Variants in CWC22 observed in about 807,000 individuals in gnomAD.
CWC22 encodes CWC22 spliceosome associated protein, also known as pre-mRNA-splicing factor CWC22 homolog.
In CWC22, 53 loss-of-function variants were observed where a neutral mutation model predicts 117.2. That is an observed-to-expected ratio of 0.45 (90% CI 0.36 to 0.57). The LOEUF is 0.57. Ranked by LOEUF, CWC22 falls within the 20% of genes least tolerant of loss-of-function variation. CWC22 has a pLI of 0.00. For missense variants in CWC22, 980 were observed against 1,068.8 expected, an observed-to-expected ratio of 0.92 and a Z score of 1.16; for synonymous variants, 360 against 355.6, an observed-to-expected ratio of 1.01 and a Z score of -0.14.
intron 4 of CWC22, among the ~76,000 whole-genome samples, chr2:179,983,823 G>C (rs1687347635): frequency 6.6e-6 from 1 of 152,092 alleles, no homozygotes; most frequent in Admixed American, 6.6e-5. Flanking sequence ...CAACTGAATT[G>C]CTTCTTCTTG....
intron 6 of CWC22, among the ~76,000 whole-genome samples, chr2:179,976,965 G>A (rs531447048): frequency 1.3e-5 from 2 of 152,180 alleles, no homozygotes; most frequent in African/African-American, 4.8e-5. Flanking sequence ...GACCAGCCTG[G>A]GCAAGATGGC....
At chr2:179,957,297 T>A (rs75488737) in intron 14 of CWC22, among the ~76,000 whole-genome samples, 3,185 of 152,250 alleles carry the variant, frequency 0.021, 116 homozygotes, top group African/African-American at 0.072. Flanking sequence ...AAAAAAGGAA[T>A]CTTTTACATT....
chr2:180,004,457 G>T (rs71425654), intron 1 of CWC22, among the ~76,000 whole-genome samples: 22,234 of 151,828 alleles, frequency 0.15, 1,993 homozygotes, highest in Admixed American at 0.29. Context: ...AGTGGAGAGA[G>T]CTCAGCTCAC....
In CWC22 at chr2:179,993,306, A is replaced by G. The variant is rs773679207; in HGVS notation, c.27+9T>C. Reference sequence around the variant, plus strand: ...TTTACATCCTCCATTTTAAGTTTCAAACACTTACTTTTATCTGTGCCACAC... The same window carrying G: ...TTTACATCCTCCATTTTAAGTTTCAGACACTTACTTTTATCTGTGCCACAC... On this transcript the variant is annotated intron_variant, in intron 2 of 19. Coordinates refer to ENST00000410053, the MANE Select transcript of CWC22 (RefSeq NM_020943.3). 2.2e-5 allele frequency: 34 copies of G among 1,557,274 alleles called. No homozygotes were observed. The African/African-American group carries it at 4.1e-4, about 19-fold the overall frequency.
intron 4 of CWC22, among the ~76,000 whole-genome samples, chr2:179,986,124 C>T (rs1312210567): frequency 6.6e-6 from 1 of 152,040 alleles, no homozygotes; most frequent in Non-Finnish European, 1.5e-5. Context: ...CATTCAGTTC[C>T]CTTGCCCATT....
intron 2 of CWC22, among the ~76,000 whole-genome samples, chr2:179,992,107 T>C (rs1270685464): frequency 6.6e-6 from 1 of 152,218 alleles, no homozygotes; most frequent in Non-Finnish European, 1.5e-5. Flanking sequence ...TTTAGGTGTG[T>C]ACAGCTGTAA....
intron 5 of CWC22, among the ~76,000 whole-genome samples, chr2:179,980,068 T>C (rs993509375): frequency 1.6e-4 from 24 of 152,218 alleles, no homozygotes; most frequent in African/African-American, 5.8e-4. Flanking sequence ...GTGTGCTTTA[T>C]TTAAAAGGAA....
intron 14 of CWC22, among the ~76,000 whole-genome samples, chr2:179,957,490 T>C (rs573653535): frequency 5.9e-5 from 9 of 152,216 alleles, no homozygotes; most frequent in Non-Finnish European, 1.2e-4. Flanking sequence ...AAACAGCCCA[T>C]TGACAATATA....
At chr2:179,998,633 TCCTAG>T (rs1687768855) in intron 1 of CWC22, among the ~76,000 whole-genome samples, 1 of 152,134 alleles carries the variant, frequency 6.6e-6, no homozygotes, top group Non-Finnish European at 1.5e-5. Context: ...CAGAAAATTA[TCCTAG>T]CCTAAACTGA....
At chr2:179,983,648 TG>T (rs1234904983) in intron 4 of CWC22, among the ~76,000 whole-genome samples, 2 of 152,070 alleles carry the variant, frequency 1.3e-5, no homozygotes, top group Non-Finnish European at 2.9e-5. Context: ...ATTGTTGGGT[TG>T]GATGAACAGT....
chr2:179,975,146 T>A (rs2105533097), intron 6 of CWC22, among the ~76,000 whole-genome samples: 1 of 152,306 alleles, frequency 6.6e-6, no homozygotes, highest in Non-Finnish European at 1.5e-5. Flanking sequence ...CATGGAGTAA[T>A]TCTATTTTCT....
chr2:179,991,172 G>T (rs934077642), intron 2 of CWC22, among the ~76,000 whole-genome samples: 1 of 152,168 alleles, frequency 6.6e-6, no homozygotes, highest in Non-Finnish European at 1.5e-5. Flanking sequence ...AGCAGTACGA[G>T]GAGACAAGGG....
At chr2:179,995,530 C>T (rs2105558220) in intron 1 of CWC22, among the ~76,000 whole-genome samples, 1 of 152,294 alleles carries the variant, frequency 6.6e-6, no homozygotes, top group South Asian at 2.1e-4. Context: ...TGTTTTGATT[C>T]CCAGGGCCAC....
intron 1 of CWC22, among the ~76,000 whole-genome samples, chr2:180,003,932 T>C (rs1687908192): frequency 6.6e-6 from 1 of 152,218 alleles, no homozygotes; most frequent in South Asian, 2.1e-4. Flanking sequence ...TACTTTGTTG[T>C]AGGTATTCAA....
At chr2:179,977,588 G>A (rs745796198) in intron 6 of CWC22, among the ~76,000 whole-genome samples, 83 of 152,124 alleles carry the variant, frequency 5.5e-4, no homozygotes, top group Non-Finnish European at 1.0e-3. Flanking sequence ...TTAGATGTTG[G>A]TCAATGGACA....
chr2:179,967,337 T>A (rs7574636), intron 11 of CWC22, among the ~76,000 whole-genome samples: 151,718 of 152,354 alleles, frequency 1, 75,545 homozygotes, highest in Middle Eastern at 1. Context: ...TACTTATTAG[T>A]ATCACTTAGG....
Position 179,967,861 on chromosome 2 carries a change from T to C in CWC22, c.1211-1879A>G, listed in dbSNP as rs568504558. 1.6e-4 allele frequency among the ~76,000 whole-genome samples: 24 copies of C among 152,280 alleles called. No homozygotes were observed. In the South Asian group the frequency reaches 4.3e-3, roughly 28 times the overall value. On this transcript the variant is annotated intron_variant, in intron 11 of 19. Coordinates refer to ENST00000410053, the MANE Select transcript of CWC22 (RefSeq NM_020943.3). ...CTTGAAAAAAATGGCCAACTAACTA[T>C]AGTTGTTAGATATTTGGCCAACAAT...
chr2:179,945,515 T>A lies in CWC22; in HGVS notation c.2341A>T (p.Ile781Leu). 1 of 1,613,256 alleles carries A rather than the reference T, an allele frequency of 6.2e-7. No individual in the cohort carries two copies. The highest frequency in any genetic ancestry group is 1.3e-5 in the African/African-American group (1 of 75,048). Reference protein sequence around the residue: ...NSSGSNWRDPITKYTSDKDVP... With the variant: ...NSSGSNWRDPLTKYTSDKDVP... ...TCTTTGTCTGATGTGTACTTTGTTATAGGATCTCTCCAATTTGAACCACTT... is the reference window on the plus strand; with the variant it reads ...TCTTTGTCTGATGTGTACTTTGTTAAAGGATCTCTCCAATTTGAACCACTT... Residue 781 changes from isoleucine (I) to leucine (L), a missense_variant, in exon 20 of 20, where the codon ATA becomes TTA. Physicochemically the swap from Ile to Leu is conservative, Grantham distance 5 (BLOSUM62 2). Around this residue, in one of 3 missense-constraint regions of CWC22, gnomAD observed 306 missense variants for 296.8 expected, o/e 1.03. Transcript: ENST00000410053.
intron 1 of CWC22, among the ~76,000 whole-genome samples, 165 bp from the exon 2 acceptor site, chr2:179,993,619 T>C (rs1687626738): frequency 6.6e-6 from 1 of 152,084 alleles, no homozygotes; most frequent in Non-Finnish European, 1.5e-5. Flanking sequence ...TAATAATGTA[T>C]ACCTAACACA....
Sources: gnomAD v4.1 joint callset for allele counts (sites outside exome capture counted in the v4.1 genomes callset) on GRCh38, gnomAD v4.1.1 for gene constraint, gnomAD v4.1.1 regional missense constraint, MANE v1.5 for transcripts, NCBI Gene and HGNC (gene_info 2026-07-23, HGNC 2026-07-21) for gene names.